The following NCALD variants were observed in gnomAD, a reference collection of about 807,000 sequenced individuals.
NCALD encodes the protein neurocalcin-delta.
Under a neutral mutation model 18.6 loss-of-function variants are expected in NCALD, and 10 were observed. The ratio of observed to expected loss-of-function variants is 0.54; its 90% CI spans 0.33 to 0.91. The LOEUF is 0.91. NCALD is among the 40% of genes least tolerant of loss of function. NCALD has a pLI of 0.03. For synonymous variants in NCALD, 88 were observed against 87.4 expected (o/e 1.01, Z -0.04); for missense variants, 184 against 247.6 (o/e 0.74, Z 1.72).
At position 101,802,899 on chromosome 8, in the gene NCALD, C is replaced by CAAAAAAA. The variant is rs34519871; in HGVS notation, c.-19-83258_-19-83252dup. Among the ~76,000 whole-genome samples the CAAAAAAA allele has an allele frequency of 4.0e-5, 4 of 99,572 alleles. 1 individual carries two copies. The highest frequency in any genetic ancestry group is 3.8e-5 in the Non-Finnish European group (2 of 52,452). The allele number at this position is 99,572 out of a possible 152,430, so 65.3% of individuals were successfully genotyped here. ...CTTTGCAATAAATCTTGCTGCTGCTCAAAAAAAAAAAAAAAAAAAAATGCA... is the reference window on the plus strand; with the variant it reads ...CTTTGCAATAAATCTTGCTGCTGCTCAAAAAAAAAAAAAAAAAAAAAAAAAAAATGCA... On this transcript the variant is annotated intron_variant, in intron 4 of 6. Coordinates refer to the NCALD transcript ENST00000311028.
At chr8:101,711,869 G>A (rs563367327) in intron 2 of NCALD, among the ~76,000 whole-genome samples, 7 of 152,168 alleles carry the variant, frequency 4.6e-5, no homozygotes, top group African/African-American at 1.7e-4. Context: ...CCAGGAGAAC[G>A]TCCCCAACCT....
chr8:101,837,218 T>A (rs914376257), intron 4 of NCALD, among the ~76,000 whole-genome samples: 1 of 152,180 alleles, frequency 6.6e-6, no homozygotes, highest in Non-Finnish European at 1.5e-5. Flanking sequence ...CAGCTGGCAC[T>A]CTCCCTGTGA....
chr8:101,716,916 C>A (rs1816114111), intron 2 of NCALD, among the ~76,000 whole-genome samples: 1 of 152,120 alleles, frequency 6.6e-6, no homozygotes, highest in Non-Finnish European at 1.5e-5. Flanking sequence ...GGCCATCGGC[C>A]AAGGAACTCG....
chr8:101,840,283 A>G (rs1315359768), intron 4 of NCALD, among the ~76,000 whole-genome samples: 1 of 152,222 alleles, frequency 6.6e-6, no homozygotes. Context: ...ATGTGCACAC[A>G]CAGGAGCTGA....
intron 3 of NCALD, among the ~76,000 whole-genome samples, chr8:101,899,738 G>A (rs563393327): frequency 3.0e-4 from 44 of 147,882 alleles, no homozygotes; most frequent in Non-Finnish European, 6.2e-4. Context: ...TATGGTTATG[G>A]CATATAATTA....
intron 2 of NCALD, among the ~76,000 whole-genome samples, chr8:101,943,570 C>A (rs1289536615): frequency 6.6e-6 from 1 of 152,132 alleles, no homozygotes; most frequent in Non-Finnish European, 1.5e-5. Flanking sequence ...ACTCCTGGAG[C>A]AGGGGAGAGA....
intron 4 of NCALD, among the ~76,000 whole-genome samples, chr8:101,809,694 G>A (rs764399784): frequency 7.2e-5 from 11 of 152,016 alleles, no homozygotes; most frequent in Admixed American, 1.3e-4. Context: ...ACAGGCATGC[G>A]CCACCACACC....
chr8:101,903,097 G>T (rs568506981), intron 3 of NCALD, among the ~76,000 whole-genome samples: 1 of 152,222 alleles, frequency 6.6e-6, no homozygotes, highest in South Asian at 2.1e-4. Context: ...GTGGAGGCAG[G>T]AAAAGAAATG....
intron 4 of NCALD, among the ~76,000 whole-genome samples, chr8:101,829,550 T>C (rs1490633178): frequency 6.6e-6 from 1 of 152,250 alleles, no homozygotes; most frequent in Non-Finnish European, 1.5e-5. Flanking sequence ...GCTCAATCTC[T>C]GCCTAGTGGG....
intron 1 of NCALD, among the ~76,000 whole-genome samples, chr8:102,048,928 T>C (rs1486524872): frequency 6.6e-6 from 1 of 152,134 alleles, no homozygotes; most frequent in Non-Finnish European, 1.5e-5. Context: ...CTTGTGGTAG[T>C]GGGAGAGTTA....
At chr8:101,734,223 C>T (rs1029441581) in intron 1 of NCALD, among the ~76,000 whole-genome samples, 1 of 152,186 alleles carries the variant, frequency 6.6e-6, no homozygotes, top group Non-Finnish European at 1.5e-5. Context: ...TCCTTTCCAA[C>T]TCAACCTCTC....
At chr8:101,944,131 C>A (rs1819074638) in intron 2 of NCALD, among the ~76,000 whole-genome samples, 1 of 152,080 alleles carries the variant, frequency 6.6e-6, no homozygotes, top group South Asian at 2.1e-4. Context: ...GACCATGTAC[C>A]AGACAAGCCA....
At chr8:102,044,978 G>A (rs1478153326) in intron 1 of NCALD, among the ~76,000 whole-genome samples, 3 of 152,174 alleles carry the variant, frequency 2.0e-5, no homozygotes, top group Non-Finnish European at 2.9e-5. Context: ...ATGGCCCCTG[G>A]CTGGACAACA....
chr8:101,750,718 G>A (rs1440464672), intron 1 of NCALD: 1 of 152,192 alleles, frequency 6.6e-6, no homozygotes. Flanking sequence ...ACTTGGCCTG[G>A]AGCTTTCTGT....
At chr8:101,927,327 G>A (rs1184828243) in intron 2 of NCALD, among the ~76,000 whole-genome samples, 1 of 152,198 alleles carries the variant, frequency 6.6e-6, no homozygotes, top group Non-Finnish European at 1.5e-5. Context: ...GTACAGTCTA[G>A]ATGGGGGGAC....
chr8:101,772,990 A>C (rs1360352425), intron 1 of NCALD, among the ~76,000 whole-genome samples: 1 of 152,130 alleles, frequency 6.6e-6, no homozygotes, highest in Non-Finnish European at 1.5e-5. Context: ...TGTCCCCAAA[A>C]ATTATGAAGT....
chr8:101,688,941 C>T lies in NCALD; in HGVS notation c.*368G>A. ...GGGAGTTTTGTCTTTCAAACAAAAG[C>T]CCCTTGAAGCTTGCAATAGAATCAC... On this transcript the variant is annotated 3_prime_UTR_variant, in exon 4 of 4. Coordinates refer to ENST00000220931, the MANE Select transcript of NCALD (RefSeq NM_032041.3). 1 of 634,614 alleles carries T rather than the reference C, an allele frequency of 1.6e-6. No homozygotes were observed. Among genetic ancestry groups the T allele is most frequent in the Non-Finnish European group, 2.8e-6 (1 of 357,248 alleles). 39.3% of individuals were successfully genotyped at this position (634,614 alleles called of 1,614,324 possible).
intron 1 of NCALD, chr8:102,123,862 C>A (rs1423146028): frequency 6.6e-6 from 1 of 152,658 alleles, no homozygotes; most frequent in South Asian, 1.9e-4. Flanking sequence ...CCAGAGGTCC[C>A]CGGGCCGCCA....
chr8:101,691,931 C>T (rs932680212), intron 3 of NCALD: 13 of 985,266 alleles, frequency 1.3e-5, no homozygotes, highest in African/African-American at 7.0e-5. Context: ...GCTACAGAGC[C>T]GGGCCCTGAG....
Sources: gnomAD v4.1 joint callset for allele counts (sites outside exome capture counted in the v4.1 genomes callset) on GRCh38, gnomAD v4.1.1 for gene constraint, MANE v1.5 for transcripts, NCBI Gene and HGNC (gene_info 2026-07-23, HGNC 2026-07-21) for gene names.